Variants in L3MBTL4 observed in about 807,000 individuals in gnomAD.
The protein encoded by L3MBTL4 is L3MBTL histone methyl-lysine binding protein 4, also known as lethal(3)malignant brain tumor-like protein 4.
In L3MBTL4, 70 loss-of-function variants were observed where a neutral mutation model predicts 84.5. The ratio of observed to expected loss-of-function variants is 0.83; its 90% CI spans 0.68 to 1.01. The LOEUF (loss-of-function observed/expected upper bound fraction) is 1.01, where lower values mean the gene tolerates loss of function less well. Among genes scored for constraint, L3MBTL4 ranks in the 50% least tolerant of loss-of-function variants. L3MBTL4 has a pLI of 0.00. For missense variants in L3MBTL4, 715 were observed against 754.8 expected (o/e 0.95, Z 0.62); for synonymous variants, 274 against 259.8 (o/e 1.05, Z -0.52).
intron 15 of L3MBTL4, among the ~76,000 whole-genome samples, chr18:6,090,614 A>G (rs2058417687): frequency 7.5e-6 from 1 of 133,472 alleles, no homozygotes; most frequent in African/African-American, 3.4e-5. Flanking sequence ...ACACACACAC[A>G]CACACACACA....
In L3MBTL4 at chr18:6,161,723, C is replaced by T. The variant is rs185163582; in HGVS notation, c.1096+10105G>A. Among the ~76,000 whole-genome samples, 258 of 152,226 alleles carry T rather than the reference C, an allele frequency of 1.7e-3. 1 individual carries two copies. Among genetic ancestry groups the T allele is most frequent in the African/African-American group, 5.2e-3 (217 of 41,530 alleles). On this transcript the variant is annotated intron_variant, in intron 13 of 18. Coordinates refer to ENST00000317931, the MANE Select transcript of L3MBTL4 (RefSeq NM_001330559.2). ...CAGGCCCGGCGTGCTCATCTGAGCC[C>T]GGCTCAACACTGCCCCGAGGTTCCT...
At chr18:6,286,820 C>T (rs1267208868) in intron 4 of L3MBTL4, among the ~76,000 whole-genome samples, 1 of 152,102 alleles carries the variant, frequency 6.6e-6, no homozygotes, top group Admixed American at 6.5e-5. Context: ...TCCTGATTGT[C>T]GCTCTGTTTC....
intron 16 of L3MBTL4, among the ~76,000 whole-genome samples, chr18:5,972,529 T>C (rs1038086693): frequency 2.6e-5 from 4 of 152,146 alleles, no homozygotes; most frequent in African/African-American, 9.7e-5. Context: ...TTTGCAAACC[T>C]CTTGAGGTCA....
At chr18:6,022,495 T>C (rs549051) in intron 16 of L3MBTL4, among the ~76,000 whole-genome samples, 5,433 of 152,316 alleles carry the variant, frequency 0.036, 327 homozygotes, top group African/African-American at 0.12. Context: ...AGACATCCAA[T>C]GATTTCTTAC....
At chr18:6,171,478 A>G (rs2043967708) in intron 13 of L3MBTL4, among the ~76,000 whole-genome samples, 1 of 152,240 alleles carries the variant, frequency 6.6e-6, no homozygotes, top group Non-Finnish European at 1.5e-5. Flanking sequence ...CTATTCTATA[A>G]AATAAAGATC....
At chr18:6,027,421 T>G (rs1160540536) in intron 16 of L3MBTL4, among the ~76,000 whole-genome samples, 1 of 152,260 alleles carries the variant, frequency 6.6e-6, no homozygotes, top group African/African-American at 2.4e-5. Flanking sequence ...CACATTTTCT[T>G]TGTCCAGTCT....
At chr18:6,197,199 C>A (rs953213330) in intron 12 of L3MBTL4, among the ~76,000 whole-genome samples, 23 of 152,276 alleles carry the variant, frequency 1.5e-4, no homozygotes, top group African/African-American at 4.8e-4. Context: ...GCTGCACCTG[C>A]CAACCCATCA....
intron 10 of L3MBTL4, among the ~76,000 whole-genome samples, chr18:6,231,172 T>C (rs1242258968): frequency 2.0e-5 from 3 of 152,208 alleles, no homozygotes; most frequent in African/African-American, 7.2e-5. Context: ...TCCAGGATGG[T>C]ATTTCATAGG....
intron 4 of L3MBTL4, among the ~76,000 whole-genome samples, chr18:6,296,525 G>A (rs2050115323): frequency 6.6e-6 from 1 of 152,210 alleles, no homozygotes; most frequent in East Asian, 1.9e-4. Flanking sequence ...AAGTTAAGAA[G>A]ATAATGAGGT....
chr18:6,144,712 T>C (rs924439101), intron 13 of L3MBTL4, among the ~76,000 whole-genome samples: 1 of 152,212 alleles, frequency 6.6e-6, no homozygotes, highest in African/African-American at 2.4e-5. Context: ...GAAACTGTCC[T>C]GGATAACAGG....
intron 10 of L3MBTL4, among the ~76,000 whole-genome samples, chr18:6,219,003 A>C (rs1009525077): frequency 6.6e-6 from 1 of 152,140 alleles, no homozygotes; most frequent in African/African-American, 2.4e-5. Context: ...CACCCCTCTC[A>C]ATGAAAACCC....
intron 4 of L3MBTL4, among the ~76,000 whole-genome samples, chr18:6,266,673 C>T (rs1449349856): frequency 1.3e-5 from 2 of 152,122 alleles, no homozygotes; most frequent in Admixed American, 1.3e-4. Context: ...ACCTGTAATC[C>T]CAGCACTTGG....
intron 1 of L3MBTL4, among the ~76,000 whole-genome samples, chr18:6,359,845 G>A (rs2143975501): frequency 1.3e-5 from 2 of 152,084 alleles, no homozygotes; most frequent in East Asian, 3.9e-4. Context: ...TCCTCCTAGT[G>A]TGGGGGGCAA....
chr18:6,193,774 C>T (rs2045243359), intron 12 of L3MBTL4, among the ~76,000 whole-genome samples: 1 of 152,056 alleles, frequency 6.6e-6, no homozygotes, highest in African/African-American at 2.4e-5. Flanking sequence ...AAAGTGAGGC[C>T]GACTGGAGAG....
At chr18:6,270,441 A>G (rs1387875042) in intron 4 of L3MBTL4, among the ~76,000 whole-genome samples, 1 of 152,176 alleles carries the variant, frequency 6.6e-6, no homozygotes, top group African/African-American at 2.4e-5. Context: ...GTAGACAGAT[A>G]AACATCACCC....
At chr18:6,078,445 A>C (rs2057943407) in intron 16 of L3MBTL4, among the ~76,000 whole-genome samples, 3 of 151,508 alleles carry the variant, frequency 2.0e-5, no homozygotes, top group Non-Finnish European at 4.4e-5. Flanking sequence ...AAAACAAAAA[A>C]AAAAAAAAAA....
intron 4 of L3MBTL4, among the ~76,000 whole-genome samples, chr18:6,267,671 A>T (rs2146427467): frequency 6.6e-6 from 1 of 152,342 alleles, no homozygotes; most frequent in Non-Finnish European, 1.5e-5. Flanking sequence ...TCATATTTCC[A>T]ATTGTCATGC....
At position 6,215,846 on chromosome 18, in the gene L3MBTL4, AT is replaced by A. The variant is rs765854143; in HGVS notation, c.785-12del. The A allele has an allele frequency of 7.1e-6, 10 of 1,402,544 alleles. No individual in the cohort carries two copies. Among genetic ancestry groups the A allele is most frequent in the Admixed American group, 3.8e-5 (2 of 52,100 alleles). The allele number at this position is 1,402,544 out of a possible 1,614,324, so 86.9% of individuals were successfully genotyped here. On this transcript the variant is annotated splice_polypyrimidine_tract_variant and intron_variant, in intron 10 of 18. Coordinates refer to ENST00000317931, the MANE Select transcript of L3MBTL4 (RefSeq NM_001330559.2). Reference sequence around the variant, plus strand: ...CTGGATTGGGATAACCTGAAAATATATATATATAAATAGCAAAAGATTACTC... The same window carrying A: ...CTGGATTGGGATAACCTGAAAATATAATATATAAATAGCAAAAGATTACTC...
At chr18:6,017,754 G>A (rs1453135969) in intron 16 of L3MBTL4, 1 of 152,118 alleles carries the variant, frequency 6.6e-6, no homozygotes, top group Non-Finnish European at 1.5e-5. Context: ...TAAAAAGTTT[G>A]GTTATGAACT....
Sources: allele counts gnomAD v4.1 joint callset (sites outside exome capture counted in the v4.1 genomes callset), GRCh38; gene constraint gnomAD v4.1.1; transcripts MANE v1.5; gene names NCBI Gene and HGNC (gene_info 2026-07-23, HGNC 2026-07-21).